Variants in ACSL6 observed in about 807,000 individuals in gnomAD.
ACSL6 encodes the protein acyl-CoA synthetase long chain family member 6.
ACSL6 carries 47 observed loss-of-function variants against 98.2 expected under a neutral mutation model. That is an observed-to-expected ratio of 0.48 (90% CI 0.38 to 0.61). The LOEUF is 0.61. Among genes scored for constraint, ACSL6 ranks in the 20% least tolerant of loss-of-function variants. The pLI, the probability that ACSL6 is intolerant of heterozygous loss-of-function variation, is 0.00. For synonymous variants in ACSL6, 362 were observed against 336.9 expected (o/e 1.07, Z -0.82); for missense variants, 761 against 913.4 (o/e 0.83, Z 2.15).
rs553596834 is a variant in ACSL6 at position 131,960,599 on chromosome 5, A to G, written c.1880T>C (p.Val627Ala). 10 of 1,614,154 alleles carry G rather than the reference A, an allele frequency of 6.2e-6. No individual in the cohort carries two copies. In the Admixed American group the frequency reaches 1.2e-4, roughly 19 times the overall value. ...GGAGGGCATAACTTCAGGGTCAGGCACAACAATGCCTACCAAAAAGGCCTG... is the reference window on the plus strand; with the variant it reads ...GGAGGGCATAACTTCAGGGTCAGGCGCAACAATGCCTACCAAAAAGGCCTG... ...SLKAFLVGIV[V>A]PDPEVMPSWA... The change falls in exon 19 of 21, where the codon GTG becomes GCG. Residue 627 changes from valine (V) to alanine (A), a missense_variant. Coordinates refer to ENST00000651883, the MANE Select transcript of ACSL6 (RefSeq NM_001009185.3).
chr5:132,003,163 C>T (rs1247147138), intron 1 of ACSL6, among the ~76,000 whole-genome samples: 1 of 152,206 alleles, frequency 6.6e-6, no homozygotes, highest in Non-Finnish European at 1.5e-5. Flanking sequence ...ATTCTGGCAT[C>T]CCCATAGTCT....
chr5:131,960,592 G>A lies in ACSL6; in HGVS notation c.1887C>T (p.Asp629=). The A allele has an allele frequency of 6.2e-7, 1 of 1,614,048 alleles. No homozygotes were observed. The highest frequency in any genetic ancestry group is 8.5e-7 in the Non-Finnish European group (1 of 1,180,018). The change falls in exon 19 of 21, where the codon GAC becomes GAT. Residue 629 remains aspartate (D), a synonymous_variant. Transcript: ENST00000651883. ...KAFLVGIVVP[D]PEVMPSWAQK... ...GGGCCCAGGAGGGCATAACTTCAGG[G>A]TCAGGCACAACAATGCCTACCAAAA...
In ACSL6 at chr5:132,011,402, TG is replaced by T; in HGVS notation, c.49+102del. On this transcript the variant is annotated intron_variant, in intron 1 of 20. Transcript: ENST00000651883. This position sits in a 1 kb window ranked among gnomAD's most constrained non-coding sequence, Gnocchi z 5.4. The stretch of plus-strand genomic sequence containing the variant: ...GACGGGACAGCTCAGCAGCAGGGGA[TG>T]GGGGCTCGGCGGCCGCGGAGATGTA... The T allele has an allele frequency of 7.9e-7, 1 of 1,260,952 alleles. No individual in the cohort carries two copies. Among genetic ancestry groups the T allele is most frequent in the Non-Finnish European group, 1.1e-6 (1 of 872,962 alleles). 78.1% of individuals were successfully genotyped at this position (1,260,952 alleles called of 1,614,324 possible).
Position 131,988,169 on chromosome 5 carries a change from T to A in ACSL6, c.710A>T (p.His237Leu), listed in dbSNP as rs147439105. The change falls in exon 7 of 21, where the codon CAT (histidine) becomes CTT (leucine). Residue 237 changes from histidine (H) to leucine (L), a missense_variant. Coordinates refer to ENST00000651883, the MANE Select transcript of ACSL6 (RefSeq NM_001009185.3). ...GCCTGGAGTCTCCTTCCTCTCCACA[T>A]GCTCTAGCAGAAGCACAGCCTTCTG... ...KPQKAVLLLE[H>L]VERKETPGLK... is the part of the protein sequence containing the mutation. The A allele has an allele frequency of 1.2e-6, 2 of 1,614,178 alleles. No individual in the cohort carries two copies. Among genetic ancestry groups the A allele is most frequent in the East Asian group, 4.5e-5 (2 of 44,882 alleles).
chr5:131,978,258 C>A (rs1012037800), intron 9 of ACSL6, among the ~76,000 whole-genome samples: 2 of 152,278 alleles, frequency 1.3e-5, no homozygotes, highest in Admixed American at 6.5e-5. Context: ...ATCAAGAGTA[C>A]ACCAAAGACA....
chr5:132,002,325 T>A (rs1235329153), intron 1 of ACSL6, among the ~76,000 whole-genome samples: 1 of 152,188 alleles, frequency 6.6e-6, no homozygotes, highest in Non-Finnish European at 1.5e-5. Context: ...TGCCACTGGC[T>A]CAAACTTAGG....
rs1396470795 is a variant in ACSL6, at chr5:131,950,298, T to C, written c.*3936A>G. On this transcript the variant is annotated 3_prime_UTR_variant, in exon 21 of 21. Coordinates refer to ENST00000651883, the MANE Select transcript of ACSL6 (RefSeq NM_001009185.3). ...CATTTGGTACCAAGTTTAGAAATGC[T>C]CACATTTCAAATATTTATCTACTGC... 1 of 204,886 alleles carries C rather than the reference T, an allele frequency of 4.9e-6. No homozygotes were observed. The highest frequency in any genetic ancestry group is 2.3e-5 in the African/African-American group (1 of 43,764). 12.7% of individuals were successfully genotyped at this position (204,886 alleles called of 1,614,324 possible). A position where few individuals can be genotyped will look rare whatever the true frequency, so the allele number is the denominator to read the frequency against.
In ACSL6 at chr5:131,953,423, G is replaced by C. The variant is rs1752246265; in HGVS notation, c.*811C>G. The stretch of plus-strand genomic sequence containing the variant: ...GAGCTCAGGAGTTTGAGACCAGCCT[G>C]AGCAAAATCTCTAAAAAAAAAATTT... On this transcript the variant is annotated 3_prime_UTR_variant, in exon 21 of 21. Transcript: ENST00000651883. 1 of 184,728 alleles carries C rather than the reference G, an allele frequency of 5.4e-6. No individual in the cohort carries two copies. The highest frequency in any genetic ancestry group is 6.2e-5 in the Admixed American group (1 of 16,032). The allele number at this position is 184,728 out of a possible 1,614,324, so 11.4% of individuals were successfully genotyped here.
chr5:131,959,139 C>CCAA (rs919123074), intron 20 of ACSL6, among the ~76,000 whole-genome samples: 3 of 152,098 alleles, frequency 2.0e-5, no homozygotes, highest in Non-Finnish European at 4.4e-5. Flanking sequence ...CCCGAGAAGA[C>CCAA]CAATCTTTCC....
chr5:132,004,726 G>C (rs541077675), intron 1 of ACSL6, among the ~76,000 whole-genome samples: 1 of 152,294 alleles, frequency 6.6e-6, no homozygotes, highest in Admixed American at 6.5e-5. Flanking sequence ...GGAGATCGGG[G>C]ACACATGCAC....
chr5:131,965,102 TACACAG>T (rs905346515), intron 17 of ACSL6, among the ~76,000 whole-genome samples: 2 of 152,144 alleles, frequency 1.3e-5, no homozygotes, highest in African/African-American at 2.4e-5. Context: ...CAAAGGGAAG[TACACAG>T]GCCCAAGCAG....
intron 1 of ACSL6, among the ~76,000 whole-genome samples, chr5:131,994,936 A>G (rs1443808307): frequency 6.6e-6 from 1 of 152,206 alleles, no homozygotes; most frequent in East Asian, 1.9e-4. Flanking sequence ...GCCCTGTGCT[A>G]TCCTCCCTGA....
In ACSL6 at chr5:131,989,433, C is replaced by A; in HGVS notation, c.526G>T (p.Gly176Cys). The part of the protein sequence containing the change: ...NCKACTDQFI[G>C]VFAQNRPEWI... ...TCTGGCCGATTTTGTGCAAAAACACCAATAAACTGATCAGTGCATGCTTTA... is the reference window on the plus strand; with the variant it reads ...TCTGGCCGATTTTGTGCAAAAACACAAATAAACTGATCAGTGCATGCTTTA... The change falls in exon 5 of 21, where the codon GGT becomes TGT. Residue 176 changes from glycine (G) to cysteine (C), a missense_variant. Physicochemically the swap from Gly to Cys is radical, Grantham distance 159. Coordinates refer to ENST00000651883, the MANE Select transcript of ACSL6 (RefSeq NM_001009185.3). The A allele has an allele frequency of 2.5e-6, 4 of 1,613,998 alleles. No homozygotes were observed. The highest frequency in any genetic ancestry group is 3.4e-6 in the Non-Finnish European group (4 of 1,179,984).
intron 15 of ACSL6, among the ~76,000 whole-genome samples, chr5:131,968,535 C>G (rs953241025): frequency 6.6e-6 from 1 of 152,244 alleles, no homozygotes; most frequent in South Asian, 2.1e-4. Context: ...GCCTGAGATT[C>G]GACATTTCTT....
At chr5:131,957,568 C>T (rs533672178) in intron 20 of ACSL6, among the ~76,000 whole-genome samples, 1 of 152,328 alleles carries the variant, frequency 6.6e-6, no homozygotes, top group East Asian at 1.9e-4. Flanking sequence ...TAATTCAGAT[C>T]AACCAAGTCC....
intron 5 of ACSL6, 101 bp downstream of exon 5, chr5:131,989,306 C>A: frequency 8.5e-7 from 1 of 1,170,896 alleles, no homozygotes; most frequent in Non-Finnish European, 1.2e-6. Context: ...TCTGTTTTTT[C>A]TTTTGTCCTG....
Position 131,953,215 on chromosome 5 carries a change from A to AT in ACSL6, c.*1018dup, listed in dbSNP as rs897392222. 3.1e-5 allele frequency: 6 copies of AT among 192,834 alleles called. No homozygotes were observed. In the East Asian group the frequency reaches 5.0e-4, roughly 16 times the overall value. 11.9% of individuals were successfully genotyped at this position (192,834 alleles called of 1,614,324 possible). Reference sequence around the variant, plus strand: ...CTATCCTTGAATAGTTTTACATTATATTTTTTCTAGGTAGTTCCTGAATAC... The same window carrying AT: ...CTATCCTTGAATAGTTTTACATTATATTTTTTTCTAGGTAGTTCCTGAATAC... On this transcript the variant is annotated 3_prime_UTR_variant, in exon 21 of 21. Transcript: ENST00000651883.
Position 131,990,834 on chromosome 5 carries a change from C to A in ACSL6, c.385+19G>T, listed in dbSNP as rs1009666300. 6.2e-7 allele frequency: 1 copy of A among 1,611,238 alleles called. No homozygotes were observed. Among genetic ancestry groups the A allele is most frequent in the Non-Finnish European group, 8.5e-7 (1 of 1,177,660 alleles). On this transcript the variant is annotated intron_variant, in intron 3 of 20. Transcript: ENST00000651883. ...CTGCCACACAGCCCCTCCACACCCC[C>A]CCCCACAACCCTTCTCACCTGAGAT...
rs753468325 is a variant in ACSL6, at chr5:131,990,055, G to C, written c.450+45C>G. ...CCCTCCCTACCTGCCCTGAGTGCCA[G>C]ATCTGAATGGGTGGCCAGGGTGGGG... On this transcript the variant is annotated intron_variant, in intron 4 of 20. Transcript: ENST00000651883. 5 of 1,602,704 alleles carry C rather than the reference G, an allele frequency of 3.1e-6. No individual in the cohort carries two copies. In the South Asian group the frequency reaches 5.6e-5, roughly 18 times the overall value.
Sources: gnomAD v4.1 joint callset for allele counts (sites outside exome capture counted in the v4.1 genomes callset) on GRCh38, gnomAD v4.1.1 for gene constraint, Gnocchi (gnomAD v3.1) non-coding constraint, MANE v1.5 for transcripts, NCBI Gene and HGNC (gene_info 2026-07-23, HGNC 2026-07-21) for gene names.